ADAMTS20: variants seen among roughly 807,000 people sequenced by gnomAD.
The protein encoded by ADAMTS20 is A disintegrin and metalloproteinase with thrombospondin motifs 20.
ADAMTS20 carries 225 observed loss-of-function variants against 260.1 expected under a neutral mutation model. The observed-to-expected ratio is 0.87, with a 90% CI of 0.78 to 0.97. ADAMTS20 has a LOEUF of 0.97. Ranked by LOEUF, ADAMTS20 falls within the 50% of genes least tolerant of loss-of-function variation. ADAMTS20 has a pLI of 0.00. For synonymous variants in ADAMTS20, 802 were observed against 769.5 expected, an observed-to-expected ratio of 1.04 and a Z score of -0.70; for missense variants, 2,400 against 2,337.7, an observed-to-expected ratio of 1.03 and a Z score of -0.55.
chr12:43,362,610 T>C (rs1257329664), intron 37 of ADAMTS20, among the ~76,000 whole-genome samples: 2 of 152,098 alleles, frequency 1.3e-5, no homozygotes, highest in Non-Finnish European at 2.9e-5. Flanking sequence ...GTGAAAATGA[T>C]AACTATAACC....
intron 37 of ADAMTS20, among the ~76,000 whole-genome samples, chr12:43,364,889 AT>A (rs1026831339): frequency 3.5e-4 from 53 of 152,262 alleles, no homozygotes; most frequent in African/African-American, 1.2e-3. Context: ...AGTGAAACTT[AT>A]TAATTTACCC....
At chr12:43,550,796 C>A (rs1402791153) in intron 2 of ADAMTS20, 113 bp downstream of exon 2, 2 of 1,404,098 alleles carry the variant, frequency 1.4e-6, no homozygotes, top group Non-Finnish European at 1.9e-6. Flanking sequence ...TCTTGTAGCC[C>A]AACCTGAACT....
intron 29 of ADAMTS20, among the ~76,000 whole-genome samples, chr12:43,384,569 C>T (rs1022909047): frequency 6.6e-6 from 1 of 152,126 alleles, no homozygotes; most frequent in Non-Finnish European, 1.5e-5. Flanking sequence ...CCGTCATCTG[C>T]ATTAGGTATT....
chr12:43,434,979 C>G (rs1305603719), intron 18 of ADAMTS20, among the ~76,000 whole-genome samples: 1 of 151,996 alleles, frequency 6.6e-6, no homozygotes, highest in Non-Finnish European at 1.5e-5. Context: ...AAGGCATAGA[C>G]AGGCAATAAA....
At position 43,428,274 on chromosome 12, in the gene ADAMTS20, TCTGA is replaced by T; in HGVS notation, c.3908_3911del (p.Val1303GlufsTer75). 12 of 1,614,000 alleles carry T rather than the reference TCTGA, an allele frequency of 7.4e-6. No individual in the cohort carries two copies. The highest frequency in any genetic ancestry group is 1.0e-5 in the Non-Finnish European group (12 of 1,179,878). ...ATGGTCCGGTTCTCCACTGGTTTCCTCTGACTGATGGATGGACCACCTGATTTTC... is the reference window on the plus strand; with the variant it reads ...ATGGTCCGGTTCTCCACTGGTTTCCTCTGATGGATGGACCACCTGATTTTC... On this transcript the variant is annotated frameshift_variant, in exon 26 of 39. Coordinates refer to ENST00000389420, the MANE Select transcript of ADAMTS20 (RefSeq NM_025003.5). LOFTEE classifies it high-confidence loss of function.
chr12:43,486,217 T>G (rs1314389012), intron 7 of ADAMTS20, among the ~76,000 whole-genome samples: 1 of 152,064 alleles, frequency 6.6e-6, no homozygotes, highest in East Asian at 1.9e-4. Flanking sequence ...ATGGTACTGG[T>G]ATAAAAGCAG....
intron 3 of ADAMTS20, among the ~76,000 whole-genome samples, chr12:43,528,638 C>T (rs939783037): frequency 4.6e-5 from 7 of 151,948 alleles, no homozygotes; most frequent in African/African-American, 1.7e-4. Flanking sequence ...CTATCTCTCC[C>T]CTTGTACAAA....
intron 28 of ADAMTS20, among the ~76,000 whole-genome samples, chr12:43,417,500 C>T (rs1000253146): frequency 6.6e-6 from 1 of 152,124 alleles, no homozygotes; most frequent in Non-Finnish European, 1.5e-5. Context: ...AGTGTATGAG[C>T]TTAAGTACAA....
intron 36 of ADAMTS20, among the ~76,000 whole-genome samples, chr12:43,373,926 G>A (rs933701809): frequency 2.6e-5 from 4 of 151,716 alleles, no homozygotes; most frequent in South Asian, 2.1e-4. Context: ...TGATCCGCCC[G>A]CCTCGGCCTC....
At chr12:43,381,427 A>G (rs1940348065) in intron 31 of ADAMTS20, among the ~76,000 whole-genome samples, 1 of 152,104 alleles carries the variant, frequency 6.6e-6, no homozygotes, top group African/African-American at 2.4e-5. Context: ...AAATATTTGC[A>G]AATCATCTAA....
intron 8 of ADAMTS20, 55 bp downstream of exon 8, chr12:43,468,545 A>G (rs1942195233): frequency 1.8e-6 from 2 of 1,086,672 alleles, no homozygotes; most frequent in Admixed American, 4.3e-5. Context: ...AATTTCAGGC[A>G]TTCTGTGCAA....
At chr12:43,400,802 GAAT>G (rs1259464354) in intron 28 of ADAMTS20, among the ~76,000 whole-genome samples, 1 of 151,886 alleles carries the variant, frequency 6.6e-6, no homozygotes, top group African/African-American at 2.4e-5. Flanking sequence ...ACACATGGAA[GAAT>G]AATTTTCCCC....
intron 3 of ADAMTS20, among the ~76,000 whole-genome samples, chr12:43,527,701 G>A (rs558815410): frequency 1.4e-4 from 22 of 151,948 alleles, no homozygotes; most frequent in Non-Finnish European, 2.5e-4. Flanking sequence ...AATAATAAAA[G>A]CCATATTTAA....
At chr12:43,530,050 C>T (rs1487108369) in intron 3 of ADAMTS20, among the ~76,000 whole-genome samples, 2 of 151,982 alleles carry the variant, frequency 1.3e-5, no homozygotes, top group African/African-American at 4.8e-5. Context: ...CTACCTTTTA[C>T]ATTTTGTTAG....
chr12:43,402,120 T>A (rs1165901111), intron 28 of ADAMTS20, among the ~76,000 whole-genome samples: 1 of 152,010 alleles, frequency 6.6e-6, no homozygotes, highest in East Asian at 1.9e-4. Context: ...TTTCAACTTT[T>A]GTCACATGCT....
intron 29 of ADAMTS20, 146 bp from the exon 30 acceptor site, chr12:43,384,123 AT>A: frequency 1.2e-6 from 1 of 810,330 alleles, no homozygotes; most frequent in Non-Finnish European, 1.8e-6. Flanking sequence ...TACAATAAGT[AT>A]TTTTACCATT....
intron 11 of ADAMTS20, among the ~76,000 whole-genome samples, chr12:43,460,988 A>ATATATATATATATT: frequency 3.8e-5 from 1 of 26,392 alleles, no homozygotes; most frequent in African/African-American, 1.3e-4. Context: ...ATATATATAT[A>ATATATATATATATT]TTTTTTTTTT....
chr12:43,534,725 A>G (rs1475212755), intron 2 of ADAMTS20, among the ~76,000 whole-genome samples: 1 of 152,174 alleles, frequency 6.6e-6, no homozygotes, highest in Non-Finnish European at 1.5e-5. Context: ...AACAAAAAAA[A>G]CTACTAAACA....
intron 32 of ADAMTS20, among the ~76,000 whole-genome samples, chr12:43,377,007 A>G (rs1287763142): frequency 6.6e-6 from 1 of 152,222 alleles, no homozygotes; most frequent in African/African-American, 2.4e-5. Context: ...GCTTTCTATC[A>G]ATTAAATTGG....
Sources: gnomAD v4.1 joint callset for allele counts (sites outside exome capture counted in the v4.1 genomes callset) on GRCh38, gnomAD v4.1.1 for gene constraint, MANE v1.5 for transcripts, NCBI Gene and HGNC (gene_info 2026-07-23, HGNC 2026-07-21) for gene names.